CCDC138: variants seen among roughly 807,000 people sequenced by gnomAD.
CCDC138 encodes the protein coiled-coil domain-containing protein 138.
CCDC138 carries 66 observed loss-of-function variants against 82.3 expected under a neutral mutation model. That is an observed-to-expected ratio of 0.80 (90% confidence interval 0.66 to 0.98). CCDC138 has a LOEUF of 0.98. Among genes scored for constraint, CCDC138 ranks in the 50% least tolerant of loss-of-function variants. CCDC138 has a pLI of 0.00. For synonymous variants in CCDC138, 297 were observed against 265.4 expected (o/e 1.12, Z -1.16); for missense variants, 816 against 758.9 (o/e 1.08, Z -0.88).
intron 5 of CCDC138, among the ~76,000 whole-genome samples, chr2:108,798,210 G>A (rs1236609580): frequency 1.3e-5 from 2 of 152,160 alleles, no homozygotes; most frequent in African/African-American, 2.4e-5. Flanking sequence ...CATCATCACA[G>A]TGGACTCTTA....
intron 6 of CCDC138, among the ~76,000 whole-genome samples, chr2:108,799,521 TC>T (rs1438439079): frequency 6.6e-6 from 1 of 152,240 alleles, no homozygotes; most frequent in Non-Finnish European, 1.5e-5. Context: ...ATCTGCCTTT[TC>T]CAGAATGTCA....
rs35206784 is a variant in CCDC138, at chr2:108,815,461, G to GTTTTTTTTT, written c.1042-465_1042-457dup. ...AATATTAGTTGGGGAGGTTTTTGGT[G>GTTTTTTTTT]TTTTTTTTTTTTTTTTTTTTTTTGA... On this transcript the variant is annotated intron_variant, in intron 9 of 14. Coordinates refer to ENST00000295124, the MANE Select transcript of CCDC138 (RefSeq NM_144978.3). Among the ~76,000 whole-genome samples the GTTTTTTTTT allele has an allele frequency of 4.0e-4, 28 of 70,734 alleles. 1 individual carries two copies. Among genetic ancestry groups the GTTTTTTTTT allele is most frequent in the Non-Finnish European group, 5.0e-4 (20 of 39,794 alleles). 46.4% of individuals were successfully genotyped at this position (70,734 alleles called of 152,430 possible).
At chr2:108,853,480 G>A (rs1320859401) in intron 12 of CCDC138, among the ~76,000 whole-genome samples, 1 of 151,054 alleles carries the variant, frequency 6.6e-6, no homozygotes, top group East Asian at 1.9e-4. Context: ...GTTAAAAGAA[G>A]TTGTAGGAAC....
chr2:108,864,097 C>T (rs1485613189), intron 13 of CCDC138, among the ~76,000 whole-genome samples: 1 of 151,638 alleles, frequency 6.6e-6, no homozygotes, highest in Non-Finnish European at 1.5e-5. Context: ...CTAGTGAGCC[C>T]TTCTTGGTCA....
intron 10 of CCDC138, among the ~76,000 whole-genome samples, chr2:108,825,252 G>A (rs185863679): frequency 1.3e-4 from 19 of 143,058 alleles, no homozygotes; most frequent in Admixed American, 4.5e-4. Flanking sequence ...ATTATATCTT[G>A]TTTTTGTTCT....
rs186181969 is a variant in CCDC138, at chr2:108,849,735, C to G, written c.1516+2805C>G. 2.1e-3 allele frequency among the ~76,000 whole-genome samples: 318 copies of G among 152,338 alleles called. 2 individuals carry two copies. Among genetic ancestry groups the G allele is most frequent in the African/African-American group, 7.1e-3 (294 of 41,574 alleles). ...GAAGAGATACAAGAGTTCTCCCTTTCCTTATAGTCTGGCCTCTCCCAGCCT... is the reference window on the plus strand; with the variant it reads ...GAAGAGATACAAGAGTTCTCCCTTTGCTTATAGTCTGGCCTCTCCCAGCCT... On this transcript the variant is annotated intron_variant, in intron 12 of 14. Coordinates refer to ENST00000295124, the MANE Select transcript of CCDC138 (RefSeq NM_144978.3).
rs760937756 is a variant in CCDC138 at position 108,811,247 on chromosome 2, C to CTCTTTTTTTTT, written c.856-1383_856-1382insCTTTTTTTTTT. Among the ~76,000 whole-genome samples the CTCTTTTTTTTT allele has an allele frequency of 1.1e-3, 125 of 113,770 alleles. 5 individuals carry two copies. Among genetic ancestry groups the CTCTTTTTTTTT allele is most frequent in the South Asian group, 2.7e-3 (9 of 3,356 alleles). 74.6% of individuals were successfully genotyped at this position (113,770 alleles called of 152,430 possible). A position where few individuals can be genotyped will look rare whatever the true frequency, so the allele number is the denominator to read the frequency against. Reference sequence around the variant, plus strand: ...CTCCCTTTTCTTTCTTTCTCTCTCTCTTTTTTTTTTTTTTTGACTGTCTCC... The same window carrying CTCTTTTTTTTT: ...CTCCCTTTTCTTTCTTTCTCTCTCTCTCTTTTTTTTTTTTTTTTTTTTTTTTGACTGTCTCC... On this transcript the variant is annotated intron_variant, in intron 7 of 14. Coordinates refer to ENST00000295124, the MANE Select transcript of CCDC138 (RefSeq NM_144978.3).
intron 14 of CCDC138, among the ~76,000 whole-genome samples, chr2:108,874,041 GC>G (rs901600121): frequency 2.0e-5 from 3 of 152,084 alleles, no homozygotes; most frequent in African/African-American, 7.2e-5. Context: ...TGTTTCTATA[GC>G]TCATTTCAGA....
chr2:108,854,069 A>T (rs1304469367), intron 12 of CCDC138, among the ~76,000 whole-genome samples: 14 of 124,602 alleles, frequency 1.1e-4, no homozygotes, highest in Admixed American at 5.8e-4. Context: ...TATATATTTT[A>T]TATATAATAT....
In CCDC138 at chr2:108,788,837, C is replaced by G. The variant is rs767448094; in HGVS notation, c.152-15C>G. On this transcript the variant is annotated splice_polypyrimidine_tract_variant and intron_variant, in intron 2 of 14. Transcript: ENST00000295124. ...TTGTTGTGGTAATCTTTCATGGTTT[C>G]TTTGTCGTTGACAGGTGATTTGGAT... is the stretch of plus-strand genomic sequence containing the variant. 1.9e-6 allele frequency: 3 copies of G among 1,613,788 alleles called. No individual in the cohort carries two copies. Among genetic ancestry groups the G allele is most frequent in the Admixed American group, 3.3e-5 (2 of 59,994 alleles).
downstream of CCDC138, among the ~76,000 whole-genome samples, chr2:108,877,971 A>G (rs1262235781): frequency 6.6e-6 from 1 of 152,204 alleles, no homozygotes. Context: ...TAATCCAAGA[A>G]TTTCTCCCTA....
chr2:108,807,137 C>T (rs1456969969), intron 7 of CCDC138, among the ~76,000 whole-genome samples: 1 of 151,958 alleles, frequency 6.6e-6, no homozygotes, highest in Non-Finnish European at 1.5e-5. Context: ...GAAAAAAACC[C>T]CAGAGAATAT....
intron 9 of CCDC138, among the ~76,000 whole-genome samples, chr2:108,815,007 A>T (rs777050965): frequency 1.1e-3 from 161 of 152,072 alleles, no homozygotes; most frequent in Non-Finnish European, 1.5e-3. Flanking sequence ...GTATCTTATT[A>T]AAAAAAATTG....
At chr2:108,823,445 A>G (rs1686051035) in intron 10 of CCDC138, among the ~76,000 whole-genome samples, 2 of 152,250 alleles carry the variant, frequency 1.3e-5, no homozygotes, top group South Asian at 2.1e-4. Flanking sequence ...ATAGGACCAC[A>G]TTCTGAGAAA....
At chr2:108,873,829 G>A (rs868475613) in intron 14 of CCDC138, among the ~76,000 whole-genome samples, 4 of 152,090 alleles carry the variant, frequency 2.6e-5, no homozygotes, top group Non-Finnish European at 5.9e-5. Flanking sequence ...GCCATCCTGG[G>A]CCGCATGCAG....
At chr2:108,870,345 C>G (rs1558766382) in intron 13 of CCDC138, among the ~76,000 whole-genome samples, 1 of 152,132 alleles carries the variant, frequency 6.6e-6, no homozygotes, top group Non-Finnish European at 1.5e-5. Context: ...GAAAAGTGAA[C>G]AGAGTCTGAA....
chr2:108,867,257 A>G (rs959063198), intron 13 of CCDC138, among the ~76,000 whole-genome samples: 1 of 152,216 alleles, frequency 6.6e-6, no homozygotes, highest in Non-Finnish European at 1.5e-5. Flanking sequence ...GGTGGACACA[A>G]GAGAGAAGCT....
At chr2:108,833,528 G>GT (rs1455703324) in intron 10 of CCDC138, among the ~76,000 whole-genome samples, 1 of 152,152 alleles carries the variant, frequency 6.6e-6, no homozygotes, top group East Asian at 1.9e-4. Flanking sequence ...GAAGTCTGGT[G>GT]TTTCTTAAGC....
At chr2:108,838,650 T>G (rs368862584) in intron 10 of CCDC138, among the ~76,000 whole-genome samples, 42 of 152,316 alleles carry the variant, frequency 2.8e-4, no homozygotes, top group East Asian at 1.9e-3. Flanking sequence ...AATGTTTTTA[T>G]AAATTAGCAT....
Sources: allele counts gnomAD v4.1 joint callset (sites outside exome capture counted in the v4.1 genomes callset), GRCh38; gene constraint gnomAD v4.1.1; transcripts MANE v1.5; gene names NCBI Gene and HGNC (gene_info 2026-07-23, HGNC 2026-07-21).